Variants in PRSS12 observed in about 807,000 individuals in gnomAD.
The protein encoded by PRSS12 is neurotrypsin.
PRSS12 carries 85 observed loss-of-function variants against 104.4 expected under a neutral mutation model. The observed-to-expected ratio is 0.81, with a 90% confidence interval of 0.68 to 0.98. The LOEUF is 0.98. Ranked by LOEUF, PRSS12 falls within the 50% of genes least tolerant of loss-of-function variation. The probability of loss-of-function intolerance (pLI) is 0.00; values close to 1 mark genes in which losing one functional copy is unlikely to be tolerated. For missense variants in PRSS12, 1,141 were observed against 1,139.2 expected (o/e 1.00, Z -0.02); for synonymous variants, 454 against 425.2 (o/e 1.07, Z -0.83).
chr4:118,288,620 T>G (rs1489012550), intron 11 of PRSS12, among the ~76,000 whole-genome samples: 3 of 152,230 alleles, frequency 2.0e-5, no homozygotes. Flanking sequence ...TTGTTTCAGG[T>G]ACATTTATTC....
intron 3 of PRSS12, among the ~76,000 whole-genome samples, chr4:118,333,666 C>G (rs957885749): frequency 3.3e-5 from 5 of 152,038 alleles, no homozygotes; most frequent in Admixed American, 1.3e-4. Flanking sequence ...TTGGAGAAAA[C>G]AGAAAAACAA....
rs549378533 is a variant in PRSS12 at position 118,346,940 on chromosome 4, C to T, written c.502+5279G>A. On this transcript the variant is annotated intron_variant, in intron 1 of 12. Transcript: ENST00000296498. ...AAGGTTGGGGACTGGTGTCTTAACA[C>T]ATAGGCGCACACATGCGTGTGCATG... is the stretch of plus-strand genomic sequence containing the variant. 7.7e-4 allele frequency among the ~76,000 whole-genome samples: 117 copies of T among 152,310 alleles called. 1 individual carries two copies. Among genetic ancestry groups the T allele is most frequent in the African/African-American group, 2.4e-3 (101 of 41,572 alleles).
Position 118,296,537 on chromosome 4 carries a change from A to G in PRSS12, c.1838-681T>C, listed in dbSNP as rs1452855627. Among the ~76,000 whole-genome samples, 3 of 152,230 alleles carry G rather than the reference A, an allele frequency of 2.0e-5. No individual in the cohort carries two copies. The East Asian group carries it at 5.8e-4, about 29-fold the overall frequency. The stretch of plus-strand genomic sequence containing the variant: ...GCAACAGGTATGACTAATTTTTAAA[A>G]TATTTGAGAAAACAGGAGAATTTAT... On this transcript the variant is annotated intron_variant, in intron 9 of 12. Coordinates refer to ENST00000296498, the MANE Select transcript of PRSS12 (RefSeq NM_003619.4).
At chr4:118,334,962 C>T (rs866305735) in intron 3 of PRSS12, among the ~76,000 whole-genome samples, 1 of 152,082 alleles carries the variant, frequency 6.6e-6, no homozygotes, top group African/African-American at 2.4e-5. Flanking sequence ...TTACCACATA[C>T]CTACTCTATG....
At chr4:118,288,105 A>C (rs1274975795) in intron 11 of PRSS12, among the ~76,000 whole-genome samples, 1 of 152,224 alleles carries the variant, frequency 6.6e-6, no homozygotes, top group Non-Finnish European at 1.5e-5. Flanking sequence ...CTCTACATGG[A>C]TTCGTCTCTA....
intron 2 of PRSS12, 113 bp from the exon 3 acceptor site, chr4:118,335,764 A>G: frequency 1.0e-6 from 1 of 989,532 alleles, no homozygotes; most frequent in South Asian, 1.4e-5. Context: ...TATGGAAGAA[A>G]CAAAGAAAGA....
chr4:118,334,484 C>T (rs1250378595), intron 3 of PRSS12, among the ~76,000 whole-genome samples: 1 of 152,054 alleles, frequency 6.6e-6, no homozygotes, highest in East Asian at 1.9e-4. Flanking sequence ...AGTAGCATTA[C>T]CCAAAGGTAG....
chr4:118,350,641 A>T (rs57339184), intron 1 of PRSS12, among the ~76,000 whole-genome samples: 2,259 of 152,306 alleles, frequency 0.015, 68 homozygotes, highest in African/African-American at 0.051. Flanking sequence ...AGGAACATAA[A>T]GGCATTCAAA....
intron 3 of PRSS12, 23 bp downstream of exon 3, chr4:118,335,450 C>A: frequency 6.2e-7 from 1 of 1,611,394 alleles, no homozygotes; most frequent in Non-Finnish European, 8.5e-7. Context: ...AGTAAAACAA[C>A]AGAACTTTTT....
At position 118,282,033 on chromosome 4, in the gene PRSS12, G is replaced by A; in HGVS notation, c.2531C>T (p.Thr844Ile). Residue 844 changes from threonine to isoleucine, a missense_variant, in exon 13 of 13, where the codon ACC (threonine) becomes ATC (isoleucine). By Grantham distance (89) the Thr-to-Ile change is moderately conservative. Coordinates refer to ENST00000296498, the MANE Select transcript of PRSS12 (RefSeq NM_003619.4). The part of the protein sequence containing the change: ...PGESWVVYGV[T>I]SWGYGCGVKD... ...GACTCCACAGCCATACCCCCAGGAGGTCACCCCATACACCACCCAGCTCTC... is the reference window on the plus strand; with the variant it reads ...GACTCCACAGCCATACCCCCAGGAGATCACCCCATACACCACCCAGCTCTC... 1 of 1,613,744 alleles carries A rather than the reference G, an allele frequency of 6.2e-7. No individual in the cohort carries two copies. Among genetic ancestry groups the A allele is most frequent in the Non-Finnish European group, 8.5e-7 (1 of 1,179,696 alleles).
Position 118,284,715 on chromosome 4 carries a change from G to A in PRSS12, c.2040-1604C>T, listed in dbSNP as rs186625075. 8.4e-4 allele frequency among the ~76,000 whole-genome samples: 128 copies of A among 152,020 alleles called. 1 individual carries two copies. The highest frequency in any genetic ancestry group is 3.0e-3 in the African/African-American group (123 of 41,430). On this transcript the variant is annotated intron_variant, in intron 11 of 12. Transcript: ENST00000296498. ...CTTATTATCTGGCTTGGGTTCTACC[G>A]TCTGCCCATTACAACAATCACTCGA... is the stretch of plus-strand genomic sequence containing the variant.
rs767539214 is a variant in PRSS12, at chr4:118,324,266, C to T, written c.972-5710G>A. Among the ~76,000 whole-genome samples the T allele has an allele frequency of 7.8e-4, 118 of 151,866 alleles. 4 individuals carry two copies. The highest frequency in any genetic ancestry group is 1.4e-3 in the Non-Finnish European group (96 of 67,930). ...TGCACAGAAGAAGTAATATCCATGGCCAATGACCACAGGATAAGAAGCTCA... is the reference window on the plus strand; with the variant it reads ...TGCACAGAAGAAGTAATATCCATGGTCAATGACCACAGGATAAGAAGCTCA... On this transcript the variant is annotated intron_variant, in intron 4 of 12. Transcript: ENST00000296498.
intron 1 of PRSS12, among the ~76,000 whole-genome samples, chr4:118,344,026 A>G (rs772684648): frequency 2.0e-5 from 3 of 152,202 alleles, no homozygotes; most frequent in Non-Finnish European, 2.9e-5. Flanking sequence ...AATTAGTTTT[A>G]GTCATTTCTA....
chr4:118,324,207 CT>C (rs1723706936), intron 4 of PRSS12, among the ~76,000 whole-genome samples: 1 of 151,854 alleles, frequency 6.6e-6, no homozygotes, highest in Non-Finnish European at 1.5e-5. Flanking sequence ...AAGCAATCAA[CT>C]TAAAAAAATA....
chr4:118,324,170 G>T (rs540536412), intron 4 of PRSS12, among the ~76,000 whole-genome samples: 1 of 152,056 alleles, frequency 6.6e-6, no homozygotes, highest in Admixed American at 6.5e-5. Flanking sequence ...AAAGTGCTAG[G>T]ATATTATCAC....
intron 4 of PRSS12, among the ~76,000 whole-genome samples, chr4:118,324,845 T>C (rs1723727218): frequency 6.6e-6 from 1 of 152,022 alleles, no homozygotes; most frequent in Non-Finnish European, 1.5e-5. Context: ...CCTGAGTAGC[T>C]GGGATTACAG....
rs766914751 is a variant in PRSS12, at chr4:118,352,439, G to C, written c.282C>G (p.Pro94=). ...TCACGCTGACCCATGGCTCGCCGGC[G>C]GGGCAGCCCCAGGGGTGCGGCCGGG... ...HTPRPHPWGC[P]AGEPWVSVTD... is the part of the protein sequence containing the mutation. The change falls in exon 1 of 13, where the codon CCC becomes CCG. Residue 94 remains proline (P), a synonymous_variant. Transcript: ENST00000296498. The C allele has an allele frequency of 4.0e-6, 6 of 1,492,896 alleles. No homozygotes were observed. Among genetic ancestry groups the C allele is most frequent in the Non-Finnish European group, 5.3e-6 (6 of 1,124,854 alleles). The allele number at this position is 1,492,896 out of a possible 1,614,324, so 92.5% of individuals were successfully genotyped here.
In PRSS12 at chr4:118,335,499, G is replaced by A; in HGVS notation, c.794C>T (p.Ala265Val). 1.2e-6 allele frequency: 2 copies of A among 1,613,978 alleles called. No individual in the cohort carries two copies. The highest frequency in any genetic ancestry group is 2.2e-5 in the South Asian group (2 of 91,074). ...QGGVCPQKMA[A>V]AVTCSFSHGP... The stretch of plus-strand genomic sequence containing the variant: ...ATGGGAAAAGCTACACGTGACAGCA[G>A]CTGCCATCTTCTGAGGACACACCCC... The change falls in exon 3 of 13, where the codon GCT (alanine) becomes GTT (valine). Residue 265 changes from alanine to valine, a missense_variant. Ala to Val is a moderately conservative substitution (Grantham distance 64, BLOSUM62 0). Transcript: ENST00000296498.
rs1742818924 is a variant in PRSS12, at chr4:118,280,599, C to T, written c.*1337G>A. 1 of 152,240 alleles carries T rather than the reference C, an allele frequency of 6.6e-6. No homozygotes were observed. Among genetic ancestry groups the T allele is most frequent in the African/African-American group, 2.4e-5 (1 of 41,462 alleles). The allele number at this position is 152,240 out of a possible 1,614,324, so 9.4% of individuals were successfully genotyped here. A position where few individuals can be genotyped will look rare whatever the true frequency, so the allele number is the denominator to read the frequency against. ...ACTTAAAACAATTTGTAAGTTCATG[C>T]TAACCTCTTCCCTATATTTATACTA... On this transcript the variant is annotated 3_prime_UTR_variant, in exon 13 of 13. Coordinates refer to ENST00000296498, the MANE Select transcript of PRSS12 (RefSeq NM_003619.4).
Sources: allele counts gnomAD v4.1 joint callset (sites outside exome capture counted in the v4.1 genomes callset), GRCh38; gene constraint gnomAD v4.1.1; transcripts MANE v1.5; gene names NCBI Gene and HGNC (gene_info 2026-07-23, HGNC 2026-07-21).